RANBP10: variants seen among roughly 807,000 people sequenced by gnomAD.
RANBP10 encodes the protein ran-binding protein 10.
A neutral mutation model predicts 72.8 loss-of-function variants in RANBP10; 24 were observed. That is an observed-to-expected ratio of 0.33 (90% CI 0.24 to 0.46). The LOEUF is 0.46. RANBP10 is among the 20% of genes least tolerant of loss of function. RANBP10 has a pLI of 1.00. For synonymous variants in RANBP10, 310 were observed against 322.3 expected, an observed-to-expected ratio of 0.96 and a Z score of 0.41; for missense variants, 679 against 817.5, an observed-to-expected ratio of 0.83 and a Z score of 2.07.
At chr16:67,754,551 C>T (rs1461146788) in intron 3 of RANBP10, among the ~76,000 whole-genome samples, 1 of 152,178 alleles carries the variant, frequency 6.6e-6, no homozygotes, top group Non-Finnish European at 1.5e-5. Context: ...CTCCCCAGGC[C>T]TTGAGAAGTT....
At chr16:67,783,833 G>A (rs942223980) in intron 2 of RANBP10, among the ~76,000 whole-genome samples, 2 of 152,050 alleles carry the variant, frequency 1.3e-5, no homozygotes, top group Middle Eastern at 3.4e-3. Flanking sequence ...CACAAGGTCA[G>A]GAGTTCAAGA....
intron 5 of RANBP10, among the ~76,000 whole-genome samples, chr16:67,735,930 G>A (rs564067849): frequency 3.3e-5 from 5 of 152,166 alleles, no homozygotes; most frequent in African/African-American, 7.2e-5. Flanking sequence ...TTAGAGGCTC[G>A]CTAAGAGGAT....
chr16:67,744,822 GTTT>G (rs568669076), intron 3 of RANBP10, among the ~76,000 whole-genome samples: 4 of 151,974 alleles, frequency 2.6e-5, no homozygotes, highest in African/African-American at 9.7e-5. Flanking sequence ...TGTTTAAAAT[GTTT>G]TTTTTGTTTG....
At chr16:67,748,895 T>C (rs2054142492) in intron 3 of RANBP10, among the ~76,000 whole-genome samples, 1 of 152,158 alleles carries the variant, frequency 6.6e-6, no homozygotes, top group African/African-American at 2.4e-5. Context: ...GCTTCCCCAG[T>C]GTCTGCCTGC....
intron 2 of RANBP10, among the ~76,000 whole-genome samples, chr16:67,791,337 G>A (rs912029026): frequency 6.6e-6 from 1 of 152,154 alleles, no homozygotes; most frequent in Non-Finnish European, 1.5e-5. Context: ...TCTTTTTAGA[G>A]GGAAGGTATA....
chr16:67,806,461 C>T lies in RANBP10; in HGVS notation c.76G>A (p.Gly26Arg). 6.4e-7 allele frequency: 1 copy of T among 1,557,096 alleles called. No homozygotes were observed. The highest frequency in any genetic ancestry group is 8.6e-7 in the Non-Finnish European group (1 of 1,156,114). ...GDSSGGGAGG[G>R]LPSPGEQELS... is the part of the protein sequence containing the mutation. ...TCCTGCTCCCCAGGGGACGGCAGCC[C>T]GCCCCCAGCGCCCCCGCCGGAGGAG... Residue 26 changes from glycine to arginine, a missense_variant, in exon 1 of 14, where the codon GGG (glycine) becomes AGG (arginine). By Grantham distance (125) the Gly-to-Arg change is moderately radical. Coordinates refer to ENST00000317506, the MANE Select transcript of RANBP10 (RefSeq NM_020850.3).
At chr16:67,799,786 G>C (rs189294800) in intron 2 of RANBP10, among the ~76,000 whole-genome samples, 1 of 152,032 alleles carries the variant, frequency 6.6e-6, no homozygotes, top group African/African-American at 2.4e-5. Flanking sequence ...CTGACCCTTC[G>C]ACACCACCGG....
intron 2 of RANBP10, among the ~76,000 whole-genome samples, chr16:67,795,833 C>T (rs547258553): frequency 4.0e-5 from 6 of 150,848 alleles, no homozygotes; most frequent in Non-Finnish European, 7.4e-5. Flanking sequence ...CCAGCCTGGG[C>T]GACAGAGTGA....
chr16:67,786,050 G>C (rs1280246154), intron 2 of RANBP10, among the ~76,000 whole-genome samples: 1 of 151,828 alleles, frequency 6.6e-6, no homozygotes, highest in African/African-American at 2.4e-5. Flanking sequence ...AAGAGGCCAG[G>C]CATGGTAGCT....
chr16:67,799,449 G>A (rs893957436), intron 2 of RANBP10, among the ~76,000 whole-genome samples: 5 of 151,802 alleles, frequency 3.3e-5, no homozygotes, highest in African/African-American at 1.2e-4. Context: ...CACCATGCCT[G>A]GCTAATTTTT....
chr16:67,727,946 G>A (rs891967328), intron 11 of RANBP10, 50 bp from the exon 12 acceptor site: 1 of 1,600,938 alleles, frequency 6.2e-7, no homozygotes. Flanking sequence ...GAAGAGGGAA[G>A]GGCAGGACTA....
chr16:67,766,169 C>CT (rs1470543797), intron 3 of RANBP10, among the ~76,000 whole-genome samples: 4 of 152,170 alleles, frequency 2.6e-5, no homozygotes, highest in Non-Finnish European at 5.9e-5. Context: ...GGCAGAAAGG[C>CT]TTTAGCTGCT....
intron 2 of RANBP10, among the ~76,000 whole-genome samples, chr16:67,795,318 T>C (rs1326718984): frequency 1.3e-5 from 2 of 151,774 alleles, no homozygotes. Context: ...GGTAGGAGGA[T>C]GACCTAAGGT....
intron 2 of RANBP10, among the ~76,000 whole-genome samples, chr16:67,797,683 G>A (rs1057293471): frequency 4.6e-5 from 7 of 152,138 alleles, no homozygotes; most frequent in Admixed American, 2.0e-4. Flanking sequence ...CATGGCACAC[G>A]CCTGTAATCC....
chr16:67,763,584 G>A (rs1431981005), intron 3 of RANBP10: 1 of 152,248 alleles, frequency 6.6e-6, no homozygotes, highest in Non-Finnish European at 1.5e-5. Context: ...CTTTCTCAGG[G>A]TCTGGCAAAG....
intron 3 of RANBP10, among the ~76,000 whole-genome samples, chr16:67,754,430 T>C (rs578142656): frequency 9.2e-5 from 14 of 152,274 alleles, no homozygotes; most frequent in Non-Finnish European, 1.8e-4. Flanking sequence ...GTGAGAAAGA[T>C]TCAGGCTAGC....
At chr16:67,798,931 T>A (rs2055181749) in intron 2 of RANBP10, among the ~76,000 whole-genome samples, 1 of 152,142 alleles carries the variant, frequency 6.6e-6, no homozygotes. Context: ...GGTATTTTCT[T>A]TTTTATTTTT....
intron 2 of RANBP10, among the ~76,000 whole-genome samples, chr16:67,796,738 A>C (rs2055141414): frequency 6.6e-6 from 1 of 152,184 alleles, no homozygotes; most frequent in Admixed American, 6.6e-5. Flanking sequence ...AAGTAACAAG[A>C]AATGGCATAA....
chr16:67,761,590 G>A (rs2054395607), intron 3 of RANBP10, among the ~76,000 whole-genome samples: 1 of 151,520 alleles, frequency 6.6e-6, no homozygotes, highest in African/African-American at 2.4e-5. Flanking sequence ...TTTTTTTTGA[G>A]ACAGAGTCTC....
Sources: allele counts gnomAD v4.1 joint callset (sites outside exome capture counted in the v4.1 genomes callset), GRCh38; gene constraint gnomAD v4.1.1; transcripts MANE v1.5; gene names NCBI Gene and HGNC (gene_info 2026-07-23, HGNC 2026-07-21).